Variants in NTRK3 observed in about 807,000 individuals in gnomAD.
The protein encoded by NTRK3 is NT-3 growth factor receptor.
A neutral mutation model predicts 91.7 loss-of-function variants in NTRK3; 24 were observed. The observed-to-expected ratio is 0.26, with a 90% confidence interval of 0.19 to 0.37. The LOEUF (loss-of-function observed/expected upper bound fraction) is 0.37. Among genes scored for constraint, NTRK3 ranks in the 10% least tolerant of loss-of-function variants. The pLI, the probability that NTRK3 is intolerant of heterozygous loss-of-function variation, is 1.00. For missense variants in NTRK3, 880 were observed against 1,068.9 expected (o/e 0.82, Z 2.46); for synonymous variants, 483 against 404.0 (o/e 1.20, Z -2.34).
chr15:88,221,189 T>C (rs558906258), intron 3 of NTRK3, among the ~76,000 whole-genome samples: 1 of 152,244 alleles, frequency 6.6e-6, no homozygotes, highest in East Asian at 1.9e-4. Flanking sequence ...TGAAAACATA[T>C]AAAGAAAAGT....
intron 16 of NTRK3, 26 bp from the exon 17 acceptor site, chr15:87,929,460 G>A (rs1218349127): frequency 6.2e-7 from 1 of 1,611,896 alleles, no homozygotes; most frequent in South Asian, 1.1e-5. Flanking sequence ...GAGAAGAGAG[G>A]GGGCAGAGAG....
exon 19 of NTRK3, chr15:87,877,001 C>G (rs2064976058): frequency 3.1e-6 from 5 of 1,613,014 alleles, no homozygotes; most frequent in Non-Finnish European, 4.2e-6. Context: ...TGTAGATCTC[C>G]TTGATGTTCA....
intron 17 of NTRK3, among the ~76,000 whole-genome samples, chr15:87,908,226 C>T (rs548879633): frequency 2.6e-5 from 4 of 152,166 alleles, no homozygotes; most frequent in African/African-American, 7.2e-5. Flanking sequence ...GCGGCTCTCC[C>T]GGCTGTGCAC....
At chr15:88,131,504 C>T (rs1203879593) in intron 10 of NTRK3, among the ~76,000 whole-genome samples, 1 of 152,186 alleles carries the variant, frequency 6.6e-6, no homozygotes, top group South Asian at 2.1e-4. Context: ...CGTGCCAACA[C>T]CCTCTTCTCA....
At chr15:87,991,264 C>G (rs1391680773) in intron 14 of NTRK3, among the ~76,000 whole-genome samples, 1 of 152,174 alleles carries the variant, frequency 6.6e-6, no homozygotes, top group Admixed American at 6.5e-5. Context: ...GTTTGGATCT[C>G]AGACTGACAG....
At chr15:87,979,403 T>C (rs1487597539) in intron 14 of NTRK3, 2 of 1,613,866 alleles carry the variant, frequency 1.2e-6, no homozygotes, top group Admixed American at 1.7e-5. Context: ...ATAGATGCCA[T>C]GGTTAAGAGG....
At chr15:87,945,936 A>G (rs908012957) in intron 14 of NTRK3, among the ~76,000 whole-genome samples, 7 of 152,206 alleles carry the variant, frequency 4.6e-5, no homozygotes, top group African/African-American at 1.4e-4. Context: ...TTGACTTGGC[A>G]GAACTGTTCA....
chr15:88,129,036 C>CCCTCTG (rs1433910308), intron 10 of NTRK3, among the ~76,000 whole-genome samples: 1 of 152,172 alleles, frequency 6.6e-6, no homozygotes, highest in Non-Finnish European at 1.5e-5. Context: ...TAAAACTAGA[C>CCCTCTG]CCTCTGTCTC....
intron 10 of NTRK3, among the ~76,000 whole-genome samples, chr15:88,133,432 C>T (rs1370085496): frequency 6.6e-6 from 1 of 152,168 alleles, no homozygotes; most frequent in Non-Finnish European, 1.5e-5. Context: ...CCCTCCTGAG[C>T]ATTCTAGGGT....
intron 13 of NTRK3, chr15:88,098,674 G>C (rs2049877868): frequency 4.3e-6 from 1 of 231,820 alleles, no homozygotes; most frequent in East Asian, 6.1e-5. Context: ...GGAAGAAGAT[G>C]TAAACAGAAC....
At chr15:88,090,332 A>G (rs1347495551) in intron 13 of NTRK3, among the ~76,000 whole-genome samples, 1 of 152,210 alleles carries the variant, frequency 6.6e-6, no homozygotes, top group Non-Finnish European at 1.5e-5. Flanking sequence ...AAATCCCGGT[A>G]TGTAAGCCAG....
At chr15:88,065,243 C>T (rs2046547621) in intron 13 of NTRK3, among the ~76,000 whole-genome samples, 1 of 152,192 alleles carries the variant, frequency 6.6e-6, no homozygotes, top group South Asian at 2.1e-4. Flanking sequence ...GATCATGGTC[C>T]TACCCACCAC....
At chr15:87,863,028 C>A in exon 19 of NTRK3, 1 of 230,906 alleles carries the variant, frequency 4.3e-6, no homozygotes, top group Non-Finnish European at 8.6e-6. Flanking sequence ...TATAAGCAGT[C>A]CTTCATTTAG....
In NTRK3 at chr15:87,860,826, T is replaced by C. The variant is rs1596024014; in HGVS notation, c.*16109A>G. On this transcript the variant is annotated 3_prime_UTR_variant, in exon 19 of 19. Transcript: ENST00000394480. ...AACAAACGAGCATCACGTAGGAGTA[T>C]TTCTAAGTCATAAAATACAAATGAG... 1.4e-5 allele frequency: 3 copies of C among 216,186 alleles called. No individual in the cohort carries two copies. The East Asian group carries it at 2.1e-4, about 15-fold the overall frequency. 13.4% of individuals were successfully genotyped at this position (216,186 alleles called of 1,614,324 possible).
intron 13 of NTRK3, among the ~76,000 whole-genome samples, chr15:88,083,297 T>C (rs937694246): frequency 1.3e-5 from 2 of 152,144 alleles, no homozygotes; most frequent in Admixed American, 6.5e-5. Context: ...CTCGGCTCAC[T>C]GCAACCTCTG....
At chr15:88,120,074 C>G (rs2052536668) in intron 13 of NTRK3, among the ~76,000 whole-genome samples, 1 of 152,240 alleles carries the variant, frequency 6.6e-6, no homozygotes, top group Non-Finnish European at 1.5e-5. Context: ...CTCCCTCCAC[C>G]TGGAAGAAAC....
intron 16 of NTRK3, 51 bp downstream of exon 16, chr15:87,932,961 A>G (rs2068938247): frequency 6.2e-7 from 1 of 1,601,902 alleles, no homozygotes; most frequent in Non-Finnish European, 8.5e-7. Flanking sequence ...GAAAACCCCA[A>G]GGGTTCGGTG....
At chr15:88,213,774 C>T (rs1395262036) in intron 3 of NTRK3, among the ~76,000 whole-genome samples, 1 of 152,106 alleles carries the variant, frequency 6.6e-6, no homozygotes, top group Non-Finnish European at 1.5e-5. Flanking sequence ...GGTCACACAG[C>T]TTAAGTAAGA....
intron 13 of NTRK3, among the ~76,000 whole-genome samples, chr15:88,095,983 T>C (rs1038563042): frequency 6.6e-6 from 1 of 152,196 alleles, no homozygotes; most frequent in African/African-American, 2.4e-5. Context: ...CCAGCATTCA[T>C]TCCCTAACAG....
Sources: allele counts gnomAD v4.1 joint callset (sites outside exome capture counted in the v4.1 genomes callset), GRCh38; gene constraint gnomAD v4.1.1; transcripts MANE v1.5; gene names NCBI Gene and HGNC (gene_info 2026-07-23, HGNC 2026-07-21).